L3MBTL4: variants seen among roughly 807,000 people sequenced by gnomAD.
L3MBTL4 encodes the protein L3MBTL histone methyl-lysine binding protein 4, also known as lethal(3)malignant brain tumor-like protein 4.
L3MBTL4 carries 70 observed loss-of-function variants against 84.5 expected under a neutral mutation model. That is an observed-to-expected ratio of 0.83 (90% confidence interval 0.68 to 1.01). L3MBTL4 has a LOEUF of 1.01. L3MBTL4 is among the 50% of genes least tolerant of loss of function. L3MBTL4 has a pLI of 0.00. For synonymous variants in L3MBTL4, 274 were observed against 259.8 expected (o/e 1.05, Z -0.52); for missense variants, 715 against 754.8 (o/e 0.95, Z 0.62).
At chr18:6,344,279 A>G (rs1159176393) in intron 1 of L3MBTL4, among the ~76,000 whole-genome samples, 1 of 152,194 alleles carries the variant, frequency 6.6e-6, no homozygotes, top group Non-Finnish European at 1.5e-5. Context: ...TTATTTGCCA[A>G]CATATTGGAT....
intron 3 of L3MBTL4, among the ~76,000 whole-genome samples, chr18:6,311,056 T>C (rs1377559327): frequency 6.6e-6 from 1 of 152,128 alleles, no homozygotes; most frequent in African/African-American, 2.4e-5. Flanking sequence ...CAGGCTGCCC[T>C]GCATATTTCA....
At position 6,352,119 on chromosome 18, in the gene L3MBTL4, T is replaced by C. The variant is rs2053228486; in HGVS notation, c.-90-40063A>G. 2.0e-5 allele frequency among the ~76,000 whole-genome samples: 3 copies of C among 152,182 alleles called. No homozygotes were observed. In the South Asian group the frequency reaches 6.2e-4, roughly 31 times the overall value. ...GTGGGTTTAAATTTTTTTGCTTCTC[T>C]CCCTTCTCACTGCTAGTAATTACTC... On this transcript the variant is annotated intron_variant, in intron 1 of 18. Coordinates refer to ENST00000317931, the MANE Select transcript of L3MBTL4 (RefSeq NM_001330559.2).
intron 16 of L3MBTL4, among the ~76,000 whole-genome samples, chr18:6,071,602 C>T (rs1010611259): frequency 1.4e-4 from 20 of 146,996 alleles, no homozygotes; most frequent in Admixed American, 7.0e-5. Context: ...CGCCACTGCT[C>T]TCCAGTCTGG....
chr18:6,220,118 G>A (rs1043703900), intron 10 of L3MBTL4, among the ~76,000 whole-genome samples: 6 of 152,130 alleles, frequency 3.9e-5, no homozygotes, highest in Non-Finnish European at 5.9e-5. Flanking sequence ...GGAGTGGAAC[G>A]CATTCAGGGT....
chr18:6,380,253 T>C lies in L3MBTL4; in HGVS notation c.-91+34548A>G, dbSNP rs572325881. On this transcript the variant is annotated intron_variant, in intron 1 of 18. Transcript: ENST00000317931. ...TAGCAGTCTATCTATTTTGTTGATC[T>C]TTTCAAAAAACCAACTCCTGGATTC... Among the ~76,000 whole-genome samples the C allele has an allele frequency of 2.6e-5, 4 of 152,270 alleles. No individual in the cohort carries two copies. The East Asian group carries it at 7.7e-4, about 29-fold the overall frequency.
chr18:6,087,372 A>G (rs2058291517), intron 15 of L3MBTL4, among the ~76,000 whole-genome samples: 1 of 152,192 alleles, frequency 6.6e-6, no homozygotes, highest in African/African-American at 2.4e-5. Context: ...CTGATGAAAT[A>G]GCAAAATTCT....
intron 16 of L3MBTL4, among the ~76,000 whole-genome samples, chr18:6,003,755 G>A (rs2054332415): frequency 1.3e-5 from 2 of 151,970 alleles, no homozygotes; most frequent in South Asian, 2.1e-4. Flanking sequence ...AAAAACTGGA[G>A]ATTAAACAAC....
At chr18:6,227,226 A>G (rs971588410) in intron 10 of L3MBTL4, among the ~76,000 whole-genome samples, 28 of 152,176 alleles carry the variant, frequency 1.8e-4, no homozygotes, top group Admixed American at 1.0e-3. Flanking sequence ...TAATCAATGG[A>G]AAAAGTAAAC....
At chr18:6,374,712 C>T (rs1003764696) in intron 1 of L3MBTL4, among the ~76,000 whole-genome samples, 6 of 152,102 alleles carry the variant, frequency 3.9e-5, no homozygotes, top group African/African-American at 1.4e-4. Context: ...AGTGAAAACA[C>T]GATAGAACCA....
chr18:6,243,371 CA>C lies in L3MBTL4; in HGVS notation c.382del (p.Trp128GlyfsTer12), dbSNP rs2047529861. 4 of 1,606,038 alleles carry C rather than the reference CA, an allele frequency of 2.5e-6. No homozygotes were observed. Among genetic ancestry groups the C allele is most frequent in the Admixed American group, 1.7e-5 (1 of 58,792 alleles). ...FDGYLSCYDF[W>X]TNAGSPDIHP... ...AATGTCAGGGGAACCAGCATTGGTC[CA>C]AAAATCATAGCAACTTAAATAACCA... On this transcript the variant is annotated frameshift_variant, in exon 7 of 19. Coordinates refer to ENST00000317931, the MANE Select transcript of L3MBTL4 (RefSeq NM_001330559.2). LOFTEE classifies it high-confidence loss of function.
intron 16 of L3MBTL4, among the ~76,000 whole-genome samples, chr18:6,018,366 G>A (rs780402562): frequency 2.0e-5 from 3 of 152,156 alleles, no homozygotes; most frequent in Non-Finnish European, 2.9e-5. Context: ...GTGAGCAAAG[G>A]CTGCACGGGT....
In L3MBTL4 at chr18:6,335,247, C is replaced by T. The variant is rs145570315; in HGVS notation, c.-90-23191G>A. On this transcript the variant is annotated intron_variant, in intron 1 of 18. Coordinates refer to ENST00000317931, the MANE Select transcript of L3MBTL4 (RefSeq NM_001330559.2). ...TTGGGATTACAGGCACTCACCACCA[C>T]GCCCAGCTAATTTTTGCATGTTTAG... Among the ~76,000 whole-genome samples, 752 of 152,166 alleles carry T rather than the reference C, an allele frequency of 4.9e-3. 9 individuals are homozygous for T. The highest frequency in any genetic ancestry group is 0.015 in the African/African-American group (632 of 41,504).
At position 6,029,767 on chromosome 18, in the gene L3MBTL4, A is replaced by G. The variant is rs957386491; in HGVS notation, c.1444+51114T>C. On this transcript the variant is annotated intron_variant, in intron 16 of 18. Coordinates refer to ENST00000317931, the MANE Select transcript of L3MBTL4 (RefSeq NM_001330559.2). ...AAATTAACCAACTGGAATGGAAAAA[A>G]GTTGTACCAGAAAAACTGATATTAA... The G allele has an allele frequency of 4.1e-6, 4 of 985,250 alleles. No individual in the cohort carries two copies. In the Admixed American group the frequency reaches 2.5e-4, roughly 61 times the overall value. 61.0% of individuals were successfully genotyped at this position (985,250 alleles called of 1,614,324 possible).
chr18:6,361,605 T>C lies in L3MBTL4; in HGVS notation c.-90-49549A>G, dbSNP rs933983157. 4.3e-4 allele frequency among the ~76,000 whole-genome samples: 65 copies of C among 152,124 alleles called. 1 individual carries two copies. The highest frequency in any genetic ancestry group is 1.5e-3 in the African/African-American group (64 of 41,420). ...TTGTTGGCAGAACCTATTTTCCTCA[T>C]GTGGAAATGGAGGAAACCAGACTGC... On this transcript the variant is annotated intron_variant, in intron 1 of 18. Transcript: ENST00000317931.
intron 5 of L3MBTL4, among the ~76,000 whole-genome samples, chr18:6,245,529 C>T (rs1308939324): frequency 6.6e-6 from 1 of 151,344 alleles, no homozygotes; most frequent in Admixed American, 6.6e-5. Flanking sequence ...ATTTTCTATA[C>T]ATTCTACATA....
intron 14 of L3MBTL4, among the ~76,000 whole-genome samples, chr18:6,131,414 C>G (rs2059871640): frequency 6.6e-6 from 1 of 152,072 alleles, no homozygotes; most frequent in Non-Finnish European, 1.5e-5. Context: ...TCTTCTTTTT[C>G]TTAAATATAA....
chr18:5,960,232 A>G (rs1314580359), intron 17 of L3MBTL4, 76 bp from the exon 18 acceptor site: 1 of 781,164 alleles, frequency 1.3e-6, no homozygotes, highest in African/African-American at 1.8e-5. Context: ...TCCAACATTT[A>G]AGTAAAATAT....
chr18:5,964,063 G>T (rs1265059950), intron 17 of L3MBTL4, among the ~76,000 whole-genome samples: 1 of 152,220 alleles, frequency 6.6e-6, no homozygotes, highest in Non-Finnish European at 1.5e-5. Flanking sequence ...CTGCCATGTG[G>T]GTGTCTCCCC....
intron 12 of L3MBTL4, among the ~76,000 whole-genome samples, chr18:6,211,913 T>C (rs2046123205): frequency 6.6e-6 from 1 of 152,214 alleles, no homozygotes; most frequent in African/African-American, 2.4e-5. Context: ...CCTCCCAAAA[T>C]GCTGGGATTG....
Sources: gnomAD v4.1 joint callset for allele counts (sites outside exome capture counted in the v4.1 genomes callset) on GRCh38, gnomAD v4.1.1 for gene constraint, MANE v1.5 for transcripts, NCBI Gene and HGNC (gene_info 2026-07-23, HGNC 2026-07-21) for gene names.